The following PACRG variants were observed in gnomAD, a reference collection of about 807,000 sequenced individuals.
PACRG encodes parkin coregulated, also known as parkin coregulated gene protein.
Under a neutral mutation model 29.7 loss-of-function variants are expected in PACRG, and 29 were observed. The ratio of observed to expected loss-of-function variants is 0.98; its 90% CI spans 0.73 to 1.33. PACRG has a LOEUF of 1.33. Ranked by LOEUF, PACRG falls within the 40% of genes most tolerant of loss-of-function variation. The pLI, the probability that PACRG is intolerant of heterozygous loss-of-function variation, is 0.00. For synonymous variants in PACRG, 116 were observed against 118.7 expected (o/e 0.98, Z 0.15); for missense variants, 279 against 316.2 (o/e 0.88, Z 0.89).
intron 4 of PACRG, among the ~76,000 whole-genome samples, chr6:163,198,244 G>T (rs1292162029): frequency 6.6e-6 from 1 of 152,178 alleles, no homozygotes; most frequent in Admixed American, 6.5e-5. Context: ...TTGATTATGA[G>T]AATTTTACTT....
chr6:162,985,524 C>T (rs948682438), intron 2 of PACRG, among the ~76,000 whole-genome samples: 2 of 151,890 alleles, frequency 1.3e-5, no homozygotes, highest in East Asian at 3.9e-4. Flanking sequence ...TGATTAAAAC[C>T]CTCACCAAAA....
At chr6:163,203,455 A>C (rs760578266) in intron 4 of PACRG, among the ~76,000 whole-genome samples, 3 of 152,186 alleles carry the variant, frequency 2.0e-5, no homozygotes, top group Non-Finnish European at 2.9e-5. Flanking sequence ...ACATTGTAGA[A>C]GAAGGAAACA....
chr6:162,974,807 C>G (rs568672538), intron 2 of PACRG, among the ~76,000 whole-genome samples: 1 of 152,142 alleles, frequency 6.6e-6, no homozygotes, highest in Non-Finnish European at 1.5e-5. Context: ...TAGAAAGATT[C>G]GTCACTTGCC....
intron 2 of PACRG, among the ~76,000 whole-genome samples, chr6:162,818,023 T>A (rs577120740): frequency 1.9e-4 from 29 of 152,266 alleles, no homozygotes; most frequent in East Asian, 5.8e-4. Flanking sequence ...GCTTTTTTTT[T>A]AATTTTTAAA....
chr6:163,258,000 A>T (rs1783181741), intron 4 of PACRG, among the ~76,000 whole-genome samples: 1 of 152,134 alleles, frequency 6.6e-6, no homozygotes, highest in Non-Finnish European at 1.5e-5. Context: ...ATTAAGCACA[A>T]ATAATTATCT....
intron 1 of PACRG, 140 bp downstream of exon 1, chr6:162,728,531 C>T: frequency 1.0e-6 from 1 of 983,552 alleles, no homozygotes; most frequent in Non-Finnish European, 1.5e-6. Context: ...TGGCAAGTAG[C>T]AAACGGTGCC....
At chr6:162,914,833 T>C (rs1351373589) in intron 2 of PACRG, among the ~76,000 whole-genome samples, 2 of 151,974 alleles carry the variant, frequency 1.3e-5, no homozygotes, top group Non-Finnish European at 2.9e-5. Context: ...GTTTTAAGAA[T>C]TCTATTTTTC....
chr6:162,831,107 G>T (rs750126332), intron 2 of PACRG, among the ~76,000 whole-genome samples: 14 of 152,092 alleles, frequency 9.2e-5, no homozygotes, highest in Non-Finnish European at 1.6e-4. Context: ...ACCCAGAAGA[G>T]TGCAACTTTC....
At chr6:162,895,882 T>C (rs891883967) in intron 2 of PACRG, among the ~76,000 whole-genome samples, 1 of 152,234 alleles carries the variant, frequency 6.6e-6, no homozygotes, top group Admixed American at 6.5e-5. Context: ...AGTCGAACAG[T>C]TTCTATTATT....
intron 2 of PACRG, among the ~76,000 whole-genome samples, chr6:162,969,114 A>T (rs1801312219): frequency 6.6e-6 from 1 of 151,428 alleles, no homozygotes; most frequent in Non-Finnish European, 1.5e-5. Context: ...CCTAATTTTA[A>T]GTTAGACACT....
At chr6:162,742,136 G>A (rs1230817451) in intron 1 of PACRG, among the ~76,000 whole-genome samples, 1 of 152,108 alleles carries the variant, frequency 6.6e-6, no homozygotes, top group Non-Finnish European at 1.5e-5. Context: ...TTCCACGTAT[G>A]ATATGGTTTG....
intron 2 of PACRG, among the ~76,000 whole-genome samples, chr6:162,938,381 C>T (rs1487623040): frequency 2.6e-5 from 4 of 152,292 alleles, no homozygotes; most frequent in African/African-American, 7.2e-5. Context: ...GTATCTTTTT[C>T]GTATAATGAC....
chr6:163,289,532 A>G (rs1249309076), intron 4 of PACRG, among the ~76,000 whole-genome samples: 2 of 152,148 alleles, frequency 1.3e-5, no homozygotes, highest in African/African-American at 4.8e-5. Flanking sequence ...AATAGAATTA[A>G]ATGAAAGTTA....
intron 1 of PACRG, among the ~76,000 whole-genome samples, chr6:162,738,392 T>G (rs774090961): frequency 1.6e-4 from 25 of 152,222 alleles, no homozygotes; most frequent in Non-Finnish European, 3.7e-4. Flanking sequence ...GACGTTCAGA[T>G]GTGACTTTCC....
intron 4 of PACRG, among the ~76,000 whole-genome samples, chr6:163,156,424 C>T (rs1205237502): frequency 6.6e-6 from 1 of 152,238 alleles, no homozygotes; most frequent in Admixed American, 6.5e-5. Flanking sequence ...CCTGAACCAG[C>T]ACCCCAGCCC....
At chr6:162,797,101 C>A (rs1785446177) in intron 1 of PACRG, among the ~76,000 whole-genome samples, 1 of 152,008 alleles carries the variant, frequency 6.6e-6, no homozygotes, top group Non-Finnish European at 1.5e-5. Context: ...ACATGGCGAC[C>A]CCCCGTCTCT....
chr6:163,096,977 A>G (rs1814652674), intron 4 of PACRG, among the ~76,000 whole-genome samples: 1 of 152,194 alleles, frequency 6.6e-6, no homozygotes, highest in Non-Finnish European at 1.5e-5. Context: ...AATTGCAAAT[A>G]TTCCAACCCA....
intron 4 of PACRG, among the ~76,000 whole-genome samples, chr6:163,112,948 A>G (rs1296135137): frequency 6.6e-6 from 1 of 152,236 alleles, no homozygotes; most frequent in Non-Finnish European, 1.5e-5. Flanking sequence ...CAAAGGCTTT[A>G]AAAACAACTA....
intron 4 of PACRG, among the ~76,000 whole-genome samples, chr6:163,257,435 G>A (rs1585376704): frequency 6.6e-6 from 1 of 152,180 alleles, no homozygotes; most frequent in South Asian, 2.1e-4. Flanking sequence ...ATAGTTCCAT[G>A]AGACTAATTA....
Sources: allele counts gnomAD v4.1 joint callset (sites outside exome capture counted in the v4.1 genomes callset), GRCh38; gene constraint gnomAD v4.1.1; transcripts MANE v1.5; gene names NCBI Gene and HGNC (gene_info 2026-07-23, HGNC 2026-07-21).